Variants in CARMIL1 observed in about 807,000 individuals in gnomAD.
CARMIL1 encodes the protein F-actin-uncapping protein LRRC16A.
In CARMIL1, 90 loss-of-function variants were observed where a neutral mutation model predicts 177.1. The observed-to-expected ratio is 0.51, with a 90% CI of 0.43 to 0.61. The LOEUF (loss-of-function observed/expected upper bound fraction) is 0.61, where lower values mean the gene tolerates loss of function less well. CARMIL1 is among the 20% of genes least tolerant of loss of function. The pLI is 0.00. For missense variants in CARMIL1, 1,380 were observed against 1,667.0 expected (o/e 0.83, Z 3.00); for synonymous variants, 577 against 606.2 (o/e 0.95, Z 0.71).
At chr6:25,308,840 A>C (rs6456664) in intron 2 of CARMIL1, among the ~76,000 whole-genome samples, 11 of 152,074 alleles carry the variant, frequency 7.2e-5, no homozygotes, top group African/African-American at 2.2e-4. Flanking sequence ...AATGGTTAAC[A>C]TGGGAGTACC....
At chr6:25,493,606 G>A (rs1803433531) in intron 15 of CARMIL1, among the ~76,000 whole-genome samples, 1 of 152,124 alleles carries the variant, frequency 6.6e-6, no homozygotes, top group Admixed American at 6.6e-5. Context: ...AGAGATCATG[G>A]CGGTGCACAT....
chr6:25,337,388 G>T (rs1052994286), intron 2 of CARMIL1, among the ~76,000 whole-genome samples: 40 of 152,144 alleles, frequency 2.6e-4, no homozygotes, highest in Admixed American at 2.3e-3. Context: ...TTCTTTAGTT[G>T]TATTACGGTA....
rs1367389570 is a variant in CARMIL1, at chr6:25,558,749, G to A, written c.2742+1899G>A. On this transcript the variant is annotated intron_variant, in intron 29 of 36. Coordinates refer to ENST00000329474, the MANE Select transcript of CARMIL1 (RefSeq NM_017640.6). This position sits in a 1 kb window ranked among gnomAD's most constrained non-coding sequence, Gnocchi z 4.1. ...TTAAAGGGCCAAGGAGGTAAGCAGGGAGGGCCATTCCTGAGATGAGCCTGT... is the reference window on the plus strand; with the variant it reads ...TTAAAGGGCCAAGGAGGTAAGCAGGAAGGGCCATTCCTGAGATGAGCCTGT... Among the ~76,000 whole-genome samples the A allele has an allele frequency of 1.3e-5, 2 of 152,168 alleles. No homozygotes were observed. Among genetic ancestry groups the A allele is most frequent in the Admixed American group, 1.3e-4 (2 of 15,272 alleles).
In CARMIL1 at chr6:25,476,689, G is replaced by A. The variant is rs536091005; in HGVS notation, c.874+4168G>A. Among the ~76,000 whole-genome samples the A allele has an allele frequency of 1.1e-4, 16 of 152,220 alleles. No individual in the cohort carries two copies. In the East Asian group the frequency reaches 3.1e-3, roughly 29 times the overall value. On this transcript the variant is annotated intron_variant, in intron 11 of 36. Transcript: ENST00000329474. ...TTTGTTCCCAAGCTTTTCAGTGATG[G>A]TATTTTGTGTTTAAAACTAATAAAA...
At chr6:25,402,813 G>T (rs901148230) in intron 2 of CARMIL1, among the ~76,000 whole-genome samples, 2 of 152,096 alleles carry the variant, frequency 1.3e-5, no homozygotes, top group African/African-American at 4.8e-5. Context: ...ACAGAGAAAA[G>T]GTGAAAGGAT....
At chr6:25,404,671 G>A (rs1186780453) in intron 2 of CARMIL1, among the ~76,000 whole-genome samples, 5 of 151,840 alleles carry the variant, frequency 3.3e-5, no homozygotes, top group Non-Finnish European at 4.4e-5. Context: ...CACAAGAATC[G>A]CTTGAACCCG....
At chr6:25,403,188 A>G (rs1477286708) in intron 2 of CARMIL1, among the ~76,000 whole-genome samples, 5 of 151,738 alleles carry the variant, frequency 3.3e-5, no homozygotes, top group Non-Finnish European at 7.4e-5. Flanking sequence ...TAATTATTTC[A>G]TGGGTGTAAA....
At chr6:25,323,041 C>T (rs1299243335) in intron 2 of CARMIL1, among the ~76,000 whole-genome samples, 1 of 152,102 alleles carries the variant, frequency 6.6e-6, no homozygotes, top group East Asian at 1.9e-4. Context: ...CCCTTTCCTC[C>T]CTATTCTTGG....
chr6:25,423,413 G>A (rs757438125), intron 3 of CARMIL1, among the ~76,000 whole-genome samples: 5 of 152,160 alleles, frequency 3.3e-5, no homozygotes, highest in African/African-American at 4.8e-5. Context: ...AAGGGTTTGC[G>A]GAGAGGGCCA....
chr6:25,532,984 G>A (rs144045039), intron 24 of CARMIL1, among the ~76,000 whole-genome samples: 16 of 152,152 alleles, frequency 1.1e-4, no homozygotes, highest in African/African-American at 2.9e-4. Flanking sequence ...CCTGCCACTC[G>A]CCAAGCTCTT....
chr6:25,426,023 G>C (rs1169009656), intron 3 of CARMIL1, among the ~76,000 whole-genome samples: 1 of 152,086 alleles, frequency 6.6e-6, no homozygotes, highest in East Asian at 1.9e-4. Context: ...ATCCTGATAG[G>C]ACTTTCTGAA....
intron 2 of CARMIL1, among the ~76,000 whole-genome samples, chr6:25,378,503 T>C (rs1473503189): frequency 6.6e-6 from 1 of 152,202 alleles, no homozygotes; most frequent in Non-Finnish European, 1.5e-5. Flanking sequence ...GTTAGCTGGC[T>C]GACTTCCACA....
intron 24 of CARMIL1, among the ~76,000 whole-genome samples, chr6:25,534,154 T>C (rs1009617718): frequency 2.0e-5 from 3 of 151,928 alleles, no homozygotes; most frequent in Non-Finnish European, 4.4e-5. Flanking sequence ...CAAGAACTAG[T>C]TTTTTCATTT....
At chr6:25,313,355 A>G (rs1284180986) in intron 2 of CARMIL1, among the ~76,000 whole-genome samples, 1 of 152,176 alleles carries the variant, frequency 6.6e-6, no homozygotes, top group African/African-American at 2.4e-5. Context: ...ATAGAAAGGA[A>G]TTGCTGGCTC....
intron 2 of CARMIL1, among the ~76,000 whole-genome samples, chr6:25,311,387 T>C (rs1281322177): frequency 1.3e-5 from 2 of 152,162 alleles, no homozygotes; most frequent in Non-Finnish European, 2.9e-5. Context: ...CTAAGCTGAC[T>C]GGCTTAGTCA....
At chr6:25,511,822 C>G (rs1231738424) in intron 20 of CARMIL1, among the ~76,000 whole-genome samples, 1 of 152,078 alleles carries the variant, frequency 6.6e-6, no homozygotes, top group Non-Finnish European at 1.5e-5. Flanking sequence ...GTTCTCTTTC[C>G]TCTTCATTGT....
At chr6:25,419,237 C>T (rs1312700913) in intron 2 of CARMIL1, among the ~76,000 whole-genome samples, 1 of 152,158 alleles carries the variant, frequency 6.6e-6, no homozygotes, top group Non-Finnish European at 1.5e-5. Context: ...AAATAAGCAC[C>T]ACTTGCTAAA....
At chr6:25,303,125 CTT>C (rs57430643) in intron 2 of CARMIL1, among the ~76,000 whole-genome samples, 6 of 144,156 alleles carry the variant, frequency 4.2e-5, no homozygotes, top group East Asian at 4.0e-4. Flanking sequence ...TAGGCATCTC[CTT>C]TTTTTTTTTT....
intron 31 of CARMIL1, among the ~76,000 whole-genome samples, chr6:25,589,702 G>A (rs2151280772): frequency 6.6e-6 from 1 of 152,164 alleles, no homozygotes; most frequent in South Asian, 2.1e-4. Flanking sequence ...TGCCCAGGCT[G>A]GTCTCAAACT....
Sources: gnomAD v4.1 joint callset for allele counts (sites outside exome capture counted in the v4.1 genomes callset) on GRCh38, gnomAD v4.1.1 for gene constraint, Gnocchi (gnomAD v3.1) non-coding constraint, MANE v1.5 for transcripts, NCBI Gene and HGNC (gene_info 2026-07-23, HGNC 2026-07-21) for gene names.